The following CCDC57 variants were observed in gnomAD, a reference collection of about 807,000 sequenced individuals.
CCDC57 encodes the protein coiled-coil domain containing 57, also known as coiled-coil domain-containing protein 57.
Under a neutral mutation model 118.9 loss-of-function variants are expected in CCDC57, and 118 were observed. The ratio of observed to expected loss-of-function variants is 0.99; its 90% CI spans 0.86 to 1.16. CCDC57 has a LOEUF of 1.16. Ranked by LOEUF, CCDC57 falls within the 50% of genes most tolerant of loss-of-function variation. The pLI is 0.00. For missense variants in CCDC57, 1,300 were observed against 1,320.7 expected, an observed-to-expected ratio of 0.98 and a Z score of 0.24; for synonymous variants, 527 against 532.9, an observed-to-expected ratio of 0.99 and a Z score of 0.15.
At chr17:82,165,896 T>C (rs183884158) in intron 13 of CCDC57, among the ~76,000 whole-genome samples, 6 of 152,260 alleles carry the variant, frequency 3.9e-5, no homozygotes, top group Non-Finnish European at 7.4e-5. Context: ...GGATGCGCAG[T>C]GTGAACCCAG....
intron 4 of CCDC57, 147 bp from the exon 4 acceptor site, chr17:82,195,511 G>T: frequency 1.5e-6 from 1 of 684,288 alleles, no homozygotes; most frequent in Non-Finnish European, 2.6e-6. Context: ...AGAAGCTGGG[G>T]TCAGCGACAC....
chr17:82,106,306 C>T (rs2034840109), intron 19 of CCDC57: 1 of 152,508 alleles, frequency 6.6e-6, no homozygotes, highest in African/African-American at 2.4e-5. Flanking sequence ...ACACAGGCCT[C>T]ACTTGGGCGA....
chr17:82,188,223 C>G (rs746057209), exon 8 of CCDC57: 1 of 1,548,532 alleles, frequency 6.5e-7, no homozygotes, highest in Admixed American at 2.0e-5. Flanking sequence ...GCTCACTGGT[C>G]AATGGCAGCG....
At chr17:82,126,727 C>T (rs1440421775) in intron 19 of CCDC57, 1 of 985,304 alleles carries the variant, frequency 1.0e-6, no homozygotes, top group African/African-American at 1.7e-5. Flanking sequence ...CTACGCAAGC[C>T]CCTGGGGCAC....
At chr17:82,166,124 TA>T (rs11399966) in intron 13 of CCDC57, among the ~76,000 whole-genome samples, 3 of 149,952 alleles carry the variant, frequency 2.0e-5, no homozygotes, top group South Asian at 4.2e-4. Context: ...CATCTCTGAT[TA>T]AAAAAAAAAT....
intron 8 of CCDC57, among the ~76,000 whole-genome samples, chr17:82,187,263 T>A (rs1189563181): frequency 5.4e-4 from 68 of 125,202 alleles, no homozygotes; most frequent in Middle Eastern, 4.1e-3. Context: ...AAAGTCAAGA[T>A]GAAAGAAAAG....
At chr17:82,187,181 G>C (rs1340623617) in intron 8 of CCDC57, among the ~76,000 whole-genome samples, 1 of 132,940 alleles carries the variant, frequency 7.5e-6, no homozygotes, top group Admixed American at 8.3e-5. Context: ...AGGTTGCGGT[G>C]AGCTAAGATT....
At chr17:82,101,634 T>C (rs1269975961) in exon 20 of CCDC57, 15 of 1,453,490 alleles carry the variant, frequency 1.0e-5, no homozygotes, top group Admixed American at 2.0e-5. Context: ...ACAGGCACCA[T>C]GCGGAGGCCC....
At chr17:82,211,611 G>T (rs2050184947) in intron 1 of CCDC57, among the ~76,000 whole-genome samples, 1 of 149,984 alleles carries the variant, frequency 6.7e-6, no homozygotes, top group Non-Finnish European at 1.5e-5. Flanking sequence ...GCAATGGCGC[G>T]ATCTTGGCTC....
intron 19 of CCDC57, among the ~76,000 whole-genome samples, chr17:82,116,896 C>T (rs1481764569): frequency 6.6e-6 from 1 of 152,260 alleles, no homozygotes; most frequent in East Asian, 1.9e-4. Context: ...CGGAAAGCTC[C>T]TGTCTCCCTT....
intron 19 of CCDC57, among the ~76,000 whole-genome samples, chr17:82,120,327 G>A (rs753287567): frequency 2.6e-5 from 4 of 152,070 alleles, no homozygotes; most frequent in African/African-American, 4.8e-5. Flanking sequence ...ACTGTGTAGT[G>A]TGCATACTCT....
chr17:82,204,223 C>A (rs1457813704), intron 2 of CCDC57, among the ~76,000 whole-genome samples: 4 of 152,208 alleles, frequency 2.6e-5, no homozygotes, highest in African/African-American at 9.6e-5. Flanking sequence ...CTCAGCCTGG[C>A]TCCTCCAAGC....
At chr17:82,208,562 C>T (rs1483219624) in intron 1 of CCDC57, among the ~76,000 whole-genome samples, 1 of 152,118 alleles carries the variant, frequency 6.6e-6, no homozygotes, top group Non-Finnish European at 1.5e-5. Context: ...GCCTAATACC[C>T]TTAACTTATA....
At chr17:82,197,962 A>G (rs2048511717) in intron 4 of CCDC57, among the ~76,000 whole-genome samples, 1 of 152,210 alleles carries the variant, frequency 6.6e-6, no homozygotes, top group East Asian at 1.9e-4. Context: ...TCCAGCTTGC[A>G]GATGACAAAC....
At chr17:82,173,027 A>G (rs1376403345) in intron 11 of CCDC57, among the ~76,000 whole-genome samples, 167 bp from the exon 11 acceptor site, 2 of 152,118 alleles carry the variant, frequency 1.3e-5, no homozygotes, top group Non-Finnish European at 2.9e-5. Context: ...CCTTTCTGAC[A>G]GAAGTGCAAA....
chr17:82,172,817 G>A lies in CCDC57; in HGVS notation c.1550C>T (p.Pro517Leu). ...TCGGAGCCGCTGGATCTCACTGGAT[G>A]GAAAGTCTTTACTTATTTCTTCTTC... Residue 517 changes from proline to leucine, a missense_variant, in exon 12 of 20, where the codon CCA becomes CTA. Coordinates refer to ENST00000665763, the Ensembl canonical transcript of CCDC57. The surrounding 1 kb of genome is among the most constrained non-coding windows in gnomAD (Gnocchi z 5.2). 1 of 1,613,486 alleles carries A rather than the reference G, an allele frequency of 6.2e-7. No homozygotes were observed. The highest frequency in any genetic ancestry group is 8.5e-7 in the Non-Finnish European group (1 of 1,179,724).
exon 15 of CCDC57, chr17:82,157,901 G>A: frequency 6.4e-7 from 1 of 1,567,598 alleles, no homozygotes; most frequent in Non-Finnish European, 8.6e-7. Flanking sequence ...CCACCTCACG[G>A]GGAAGCTCAC....
chr17:82,200,781 A>G (rs977700778), intron 3 of CCDC57, among the ~76,000 whole-genome samples: 5 of 152,182 alleles, frequency 3.3e-5, no homozygotes, highest in African/African-American at 1.2e-4. Flanking sequence ...CAACACAGCT[A>G]AAAACTCTGT....
chr17:82,193,976 G>T lies in CCDC57; in HGVS notation c.776+6C>A. Reference sequence around the variant, plus strand: ...GCACGCCTCGGGAGATGAAGGACTCGCGCACCGGGCGCGGCTCATGGCCTC... The same window carrying T: ...GCACGCCTCGGGAGATGAAGGACTCTCGCACCGGGCGCGGCTCATGGCCTC... On this transcript the variant is annotated splice_donor_region_variant and intron_variant, in intron 6 of 19. Transcript: ENST00000665763. 1 of 1,606,274 alleles carries T rather than the reference G, an allele frequency of 6.2e-7. No homozygotes were observed. Among genetic ancestry groups the T allele is most frequent in the Non-Finnish European group, 8.5e-7 (1 of 1,176,950 alleles).
Sources: allele counts gnomAD v4.1 joint callset (sites outside exome capture counted in the v4.1 genomes callset), GRCh38; gene constraint gnomAD v4.1.1; non-coding constraint Gnocchi (gnomAD v3.1); transcripts MANE v1.5; gene names NCBI Gene and HGNC (gene_info 2026-07-23, HGNC 2026-07-21).